The following WDR70 variants were observed in gnomAD, a reference collection of about 807,000 sequenced individuals.
WDR70 encodes WD repeat domain 70.
Under a neutral mutation model 88.6 loss-of-function variants are expected in WDR70, and 53 were observed. The ratio of observed to expected loss-of-function variants is 0.60; its 90% confidence interval spans 0.48 to 0.75. The LOEUF (loss-of-function observed/expected upper bound fraction) is 0.75, where lower values mean the gene tolerates loss of function less well. Ranked by LOEUF, WDR70 falls within the 30% of genes least tolerant of loss-of-function variation. WDR70 has a pLI of 0.00. For synonymous variants in WDR70, 280 were observed against 270.0 expected, an observed-to-expected ratio of 1.04 and a Z score of -0.36; for missense variants, 610 against 823.2, an observed-to-expected ratio of 0.74 and a Z score of 3.17.
intron 13 of WDR70, among the ~76,000 whole-genome samples, chr5:37,716,134 G>A (rs939879115): frequency 5.3e-5 from 8 of 152,162 alleles, no homozygotes; most frequent in African/African-American, 1.4e-4. Context: ...AAAACCAAAC[G>A]TGAAAAAACC....
chr5:37,421,974 G>A (rs1749960127), intron 5 of WDR70, among the ~76,000 whole-genome samples: 1 of 151,772 alleles, frequency 6.6e-6, no homozygotes, highest in Non-Finnish European at 1.5e-5. Context: ...TTCATTACAG[G>A]GTCCCAGGAA....
intron 9 of WDR70, among the ~76,000 whole-genome samples, chr5:37,558,899 C>T (rs1742398383): frequency 6.6e-6 from 1 of 151,362 alleles, no homozygotes; most frequent in Non-Finnish European, 1.5e-5. Context: ...CTGATACTTA[C>T]TGTCATAATT....
At chr5:37,464,101 A>G (rs1011472000) in intron 7 of WDR70, among the ~76,000 whole-genome samples, 3 of 152,200 alleles carry the variant, frequency 2.0e-5, no homozygotes, top group South Asian at 2.1e-4. Flanking sequence ...GTCTTCTTAA[A>G]CTTTTATATT....
chr5:37,548,872 T>C (rs1742068279), intron 9 of WDR70, among the ~76,000 whole-genome samples: 1 of 152,234 alleles, frequency 6.6e-6, no homozygotes, highest in Non-Finnish European at 1.5e-5. Flanking sequence ...GATATCCAGT[T>C]TTCCCAGTCC....
chr5:37,468,333 C>T (rs1406271742), intron 7 of WDR70, among the ~76,000 whole-genome samples: 1 of 152,110 alleles, frequency 6.6e-6, no homozygotes, highest in Non-Finnish European at 1.5e-5. Flanking sequence ...AATTTCCAAA[C>T]TTAAAATAAT....
At chr5:37,698,304 T>G (rs1461088684) in intron 11 of WDR70, among the ~76,000 whole-genome samples, 1 of 152,188 alleles carries the variant, frequency 6.6e-6, no homozygotes, top group African/African-American at 2.4e-5. Context: ...TGCTAAATCT[T>G]TATCACATAG....
chr5:37,695,276 G>A (rs551017923), intron 10 of WDR70, among the ~76,000 whole-genome samples: 1 of 152,288 alleles, frequency 6.6e-6, no homozygotes, highest in Non-Finnish European at 1.5e-5. Context: ...AGCCACCTCT[G>A]TGATCTAGTC....
chr5:37,629,106 A>G (rs1414639107), intron 10 of WDR70, among the ~76,000 whole-genome samples: 1 of 152,138 alleles, frequency 6.6e-6, no homozygotes, highest in African/African-American at 2.4e-5. Context: ...ATATCATCCC[A>G]TTCTCTCCTG....
intron 10 of WDR70, among the ~76,000 whole-genome samples, chr5:37,641,491 A>G (rs1214659935): frequency 7.1e-6 from 1 of 141,452 alleles, no homozygotes; most frequent in Non-Finnish European, 1.5e-5. Flanking sequence ...ATCTTGGCTC[A>G]CTGCAACCTC....
At chr5:37,384,776 TGAAC>T (rs1748553984) in intron 3 of WDR70, among the ~76,000 whole-genome samples, 1 of 151,628 alleles carries the variant, frequency 6.6e-6, no homozygotes, top group Non-Finnish European at 1.5e-5. Flanking sequence ...ATTACAGGTG[TGAAC>T]CAGTACTTTA....
chr5:37,461,113 A>T (rs953410005), intron 7 of WDR70, among the ~76,000 whole-genome samples: 4 of 90,052 alleles, frequency 4.4e-5, no homozygotes, highest in Admixed American at 1.3e-4. Context: ...CTCAAAAAAA[A>T]AAAAAAAAAA....
chr5:37,436,560 C>T (rs937267633), intron 5 of WDR70, among the ~76,000 whole-genome samples: 3 of 152,088 alleles, frequency 2.0e-5, no homozygotes, highest in Admixed American at 6.6e-5. Flanking sequence ...TTTATAGTGA[C>T]TTGTTTGTTC....
At chr5:37,668,936 C>G (rs1214512699) in intron 10 of WDR70, among the ~76,000 whole-genome samples, 1 of 152,128 alleles carries the variant, frequency 6.6e-6, no homozygotes, top group African/African-American at 2.4e-5. Flanking sequence ...AGTAGAGAAC[C>G]CTCCTGGAAG....
rs143191800 is a variant in WDR70, at chr5:37,521,635, A to C, written c.917+5045A>C. On this transcript the variant is annotated intron_variant, in intron 9 of 17. Coordinates refer to ENST00000265107, the MANE Select transcript of WDR70 (RefSeq NM_018034.4). The stretch of plus-strand genomic sequence containing the variant: ...TACTTCACTTAGAATAATAGTCTTC[A>C]ATTCCATCCAGGCTGCTATGAATGC... Among the ~76,000 whole-genome samples, 6 of 152,030 alleles carry C rather than the reference A, an allele frequency of 3.9e-5. No individual in the cohort carries two copies. The East Asian group carries it at 1.2e-3, about 29-fold the overall frequency.
chr5:37,539,186 A>T (rs1267360594), intron 9 of WDR70, among the ~76,000 whole-genome samples: 1 of 152,202 alleles, frequency 6.6e-6, no homozygotes, highest in African/African-American at 2.4e-5. Context: ...ATGTAATAAG[A>T]TTTTTGATAC....
chr5:37,434,853 A>G (rs922497233), intron 5 of WDR70, among the ~76,000 whole-genome samples: 47 of 152,240 alleles, frequency 3.1e-4, no homozygotes, highest in Admixed American at 2.8e-3. Flanking sequence ...CAAATAGTTT[A>G]TGATGTTCCT....
intron 4 of WDR70, among the ~76,000 whole-genome samples, chr5:37,396,028 G>T (rs781472119): frequency 2.0e-5 from 3 of 152,060 alleles, no homozygotes; most frequent in Non-Finnish European, 2.9e-5. Context: ...CAAACTCTTG[G>T]GCACAAGCAG....
At chr5:37,515,276 TC>T (rs1740852114) in intron 8 of WDR70, among the ~76,000 whole-genome samples, 1 of 152,200 alleles carries the variant, frequency 6.6e-6, no homozygotes, top group African/African-American at 2.4e-5. Flanking sequence ...AGAACAACTC[TC>T]ACGTTTTTAG....
At chr5:37,512,270 T>C (rs748636153) in intron 8 of WDR70, among the ~76,000 whole-genome samples, 1 of 152,206 alleles carries the variant, frequency 6.6e-6, no homozygotes, top group Non-Finnish European at 1.5e-5. Flanking sequence ...TTGCCCAGGC[T>C]GGAGTGTAGT....
Sources: gnomAD v4.1 joint callset for allele counts (sites outside exome capture counted in the v4.1 genomes callset) on GRCh38, gnomAD v4.1.1 for gene constraint, MANE v1.5 for transcripts, NCBI Gene and HGNC (gene_info 2026-07-23, HGNC 2026-07-21) for gene names.